NCOA3: variants seen among roughly 807,000 people sequenced by gnomAD.
NCOA3 encodes the protein nuclear receptor coactivator 3.
NCOA3 carries 51 observed loss-of-function variants against 158.8 expected under a neutral mutation model. The observed-to-expected ratio is 0.32, with a 90% CI of 0.26 to 0.41. The LOEUF is 0.41. NCOA3 is among the 10% of genes least tolerant of loss of function. The pLI, the probability that NCOA3 is intolerant of heterozygous loss-of-function variation, is 1.00. For missense variants in NCOA3, 1,510 were observed against 1,746.6 expected, an observed-to-expected ratio of 0.86 and a Z score of 2.41; for synonymous variants, 537 against 592.4, an observed-to-expected ratio of 0.91 and a Z score of 1.36.
rs945453042 is a variant in NCOA3 at position 47,654,590 on chromosome 20, T to G, written c.*1173T>G. The G allele has an allele frequency of 5.9e-5, 9 of 152,578 alleles. No homozygotes were observed. The highest frequency in any genetic ancestry group is 2.2e-4 in the African/African-American group (9 of 41,428). The allele number at this position is 152,578 out of a possible 1,614,324, so 9.5% of individuals were successfully genotyped here. A position where few individuals can be genotyped will look rare whatever the true frequency, so the allele number is the denominator to read the frequency against. The stretch of plus-strand genomic sequence containing the variant: ...GGGGTAGTGCTCCACAGCTTTTCCT[T>G]CCCCACCCCCCAGCCTTAGATGCCT... On this transcript the variant is annotated 3_prime_UTR_variant, in exon 23 of 23. Transcript: ENST00000371998.
chr20:47,503,952 G>A (rs2083983708), intron 1 of NCOA3, among the ~76,000 whole-genome samples: 1 of 152,118 alleles, frequency 6.6e-6, no homozygotes. Flanking sequence ...GAAATAAGAG[G>A]CATATACCAG....
chr20:47,553,836 G>A (rs1362293119), intron 1 of NCOA3, among the ~76,000 whole-genome samples: 1 of 152,024 alleles, frequency 6.6e-6, no homozygotes, highest in East Asian at 1.9e-4. Context: ...CTTTGCTATT[G>A]TGAATAGTGC....
intron 2 of NCOA3, among the ~76,000 whole-genome samples, chr20:47,615,508 A>G (rs185505505): frequency 1.9e-4 from 29 of 152,346 alleles, no homozygotes; most frequent in African/African-American, 6.5e-4. Flanking sequence ...AATAACCAAA[A>G]GGAAAGCTGA....
intron 1 of NCOA3, among the ~76,000 whole-genome samples, chr20:47,526,004 C>T (rs941147093): frequency 6.6e-5 from 10 of 150,884 alleles, no homozygotes; most frequent in Non-Finnish European, 1.3e-4. Flanking sequence ...ACTTCCCAGA[C>T]GGGGTGGCTG....
chr20:47,568,986 T>C (rs978825354), intron 1 of NCOA3, among the ~76,000 whole-genome samples: 2 of 150,702 alleles, frequency 1.3e-5, no homozygotes, highest in Non-Finnish European at 3.0e-5. Flanking sequence ...AGAGTTTTGC[T>C]CTGTTGCCCA....
At position 47,651,293 on chromosome 20, in the gene NCOA3, A is replaced by T; in HGVS notation, c.3946+17A>T. ...CAAATTATGGTAAATCTGACAATGA[A>T]AATGTGCCTTCCCCAAGTTAACATT... On this transcript the variant is annotated intron_variant, in intron 20 of 22. Coordinates refer to ENST00000371998, the MANE Select transcript of NCOA3 (RefSeq NM_181659.3). 6.3e-7 allele frequency: 1 copy of T among 1,587,464 alleles called. No individual in the cohort carries two copies. The highest frequency in any genetic ancestry group is 8.6e-7 in the Non-Finnish European group (1 of 1,162,480).
chr20:47,651,257 T>G lies in NCOA3; in HGVS notation c.3927T>G (p.Phe1309Leu), dbSNP rs1414517828. The change falls in exon 20 of 23, where the codon TTT (phenylalanine) becomes TTG (leucine). Residue 1309 changes from phenylalanine (F) to leucine (L), a missense_variant. Physicochemically the swap from Phe to Leu is conservative, Grantham distance 22. Transcript: ENST00000371998. ...TGCCACAAGCTCCTCCGCAACAGTT[T>G]CCATATCAACCAAATTATGGTAAAT... ...PTMPQAPPQQFPYQPNYGMGQ... is the reference protein window; with the variant it reads ...PTMPQAPPQQLPYQPNYGMGQ... The G allele has an allele frequency of 3.1e-6, 5 of 1,607,190 alleles. No homozygotes were observed. The African/African-American group carries it at 6.7e-5, about 21-fold the overall frequency.
chr20:47,502,274 A>AG (rs1569306731), intron 1 of NCOA3, among the ~76,000 whole-genome samples: 1 of 152,054 alleles, frequency 6.6e-6, no homozygotes, highest in Non-Finnish European at 1.5e-5. Context: ...TGGGGATCCG[A>AG]GGGGGTCCCC....
At chr20:47,536,779 A>G (rs2084640045) in intron 1 of NCOA3, among the ~76,000 whole-genome samples, 1 of 147,640 alleles carries the variant, frequency 6.8e-6, no homozygotes, top group Non-Finnish European at 1.5e-5. Flanking sequence ...GTATGAAGCC[A>G]TTGTGCCCAG....
intron 1 of NCOA3, among the ~76,000 whole-genome samples, chr20:47,513,547 A>G (rs1367916643): frequency 6.6e-6 from 1 of 152,002 alleles, no homozygotes; most frequent in East Asian, 1.9e-4. Context: ...CCAACATGGC[A>G]AAATGCGGTT....
intron 1 of NCOA3, among the ~76,000 whole-genome samples, chr20:47,577,177 T>C (rs1424916262): frequency 2.0e-5 from 3 of 152,230 alleles, no homozygotes; most frequent in Non-Finnish European, 4.4e-5. Flanking sequence ...ATGTCTTGAA[T>C]TAAAAATAAG....
chr20:47,613,890 A>C (rs2086086671), intron 2 of NCOA3, among the ~76,000 whole-genome samples: 1 of 151,614 alleles, frequency 6.6e-6, no homozygotes, highest in South Asian at 2.1e-4. Flanking sequence ...TGGGCGACAG[A>C]GCAAGACTCT....
intron 8 of NCOA3, among the ~76,000 whole-genome samples, chr20:47,629,385 A>G (rs1415551800): frequency 6.6e-6 from 1 of 151,214 alleles, no homozygotes; most frequent in Non-Finnish European, 1.5e-5. Flanking sequence ...GCTGGAGTGC[A>G]ATGGCATGAT....
intron 8 of NCOA3, among the ~76,000 whole-genome samples, chr20:47,628,943 T>C (rs1380248619): frequency 6.6e-6 from 1 of 152,186 alleles, no homozygotes; most frequent in East Asian, 1.9e-4. Context: ...AAACAGAAGC[T>C]TGGTGACAGA....
At chr20:47,537,944 ATCT>A (rs2084661623) in intron 1 of NCOA3, among the ~76,000 whole-genome samples, 1 of 151,690 alleles carries the variant, frequency 6.6e-6, no homozygotes, top group South Asian at 2.1e-4. Flanking sequence ...AAGTGGCTCA[ATCT>A]TGGCTTACTG....
chr20:47,624,088 TA>T lies in NCOA3; in HGVS notation c.256+10del. On this transcript the variant is annotated splice_donor_region_variant and intron_variant, in intron 4 of 22. Coordinates refer to ENST00000371998, the MANE Select transcript of NCOA3 (RefSeq NM_181659.3). ...TACGTCAAATAAAAGAGCAAGGTAATAAAAACACTCATGTCTTTTTGAACAG... is the reference window on the plus strand; with the variant it reads ...TACGTCAAATAAAAGAGCAAGGTAATAAAACACTCATGTCTTTTTGAACAG... 1 of 1,597,430 alleles carries T rather than the reference TA, an allele frequency of 6.3e-7. No homozygotes were observed. Among genetic ancestry groups the T allele is most frequent in the Non-Finnish European group, 8.5e-7 (1 of 1,172,694 alleles).
At chr20:47,567,298 G>A (rs554848334) in intron 1 of NCOA3, among the ~76,000 whole-genome samples, 8 of 151,876 alleles carry the variant, frequency 5.3e-5, no homozygotes, top group South Asian at 4.2e-4. Context: ...CCCCCGCCTC[G>A]GCCTCCCAAA....
At chr20:47,525,446 G>C (rs1489249153) in intron 1 of NCOA3, among the ~76,000 whole-genome samples, 1 of 150,540 alleles carries the variant, frequency 6.6e-6, no homozygotes, top group Non-Finnish European at 1.5e-5. Flanking sequence ...ATGAGCTGTT[G>C]GGTACACCTC....
intron 1 of NCOA3, among the ~76,000 whole-genome samples, chr20:47,550,221 A>G (rs1206876): frequency 1 from 151,311 of 151,312 alleles, 75,655 homozygotes; most frequent in Middle Eastern, 1. Flanking sequence ...GAGGTGGGCA[A>G]ATGACCTGAG....
Sources: allele counts gnomAD v4.1 joint callset (sites outside exome capture counted in the v4.1 genomes callset), GRCh38; gene constraint gnomAD v4.1.1; transcripts MANE v1.5; gene names NCBI Gene and HGNC (gene_info 2026-07-23, HGNC 2026-07-21).